PLCXD2: variants seen among roughly 807,000 people sequenced by gnomAD.
PLCXD2 encodes PI-PLC X domain-containing protein 2.
In PLCXD2, 21 loss-of-function variants were observed where a neutral mutation model predicts 28.6. The observed-to-expected ratio is 0.73, with a 90% CI of 0.52 to 1.06. The LOEUF (loss-of-function observed/expected upper bound fraction) is 1.06, where lower values mean the gene tolerates loss of function less well. Among genes scored for constraint, PLCXD2 ranks in the 50% least tolerant of loss-of-function variants. The pLI, the probability that PLCXD2 is intolerant of heterozygous loss-of-function variation, is 0.00. For missense variants in PLCXD2, 369 were observed against 376.7 expected (o/e 0.98, Z 0.17); for synonymous variants, 140 against 150.1 (o/e 0.93, Z 0.49).
chr3:111,683,626 G>A (rs192415978), intron 1 of PLCXD2, among the ~76,000 whole-genome samples: 4 of 152,292 alleles, frequency 2.6e-5, no homozygotes, highest in Admixed American at 2.6e-4. Flanking sequence ...CTAGGCACTG[G>A]TGATTCAGTG....
At chr3:111,719,596 G>A (rs12637233) in intron 3 of PLCXD2, among the ~76,000 whole-genome samples, 15,378 of 152,232 alleles carry the variant, frequency 0.1, 1,120 homozygotes, top group East Asian at 0.32. Flanking sequence ...ATGCAGCAAC[G>A]TGGATGAATT....
chr3:111,716,578 A>C (rs1302528744), intron 3 of PLCXD2, among the ~76,000 whole-genome samples: 1 of 152,190 alleles, frequency 6.6e-6, no homozygotes, highest in East Asian at 1.9e-4. Context: ...CTCTCACTGA[A>C]ATCATATGAA....
In PLCXD2 at chr3:111,676,071, T is replaced by G. The variant is rs536538817; in HGVS notation, c.163+663T>G. On this transcript the variant is annotated intron_variant, in intron 1 of 4. Coordinates refer to ENST00000477665, the MANE Select transcript of PLCXD2 (RefSeq NM_001185106.1). ...TAGAACTGCAGCCTTGAAAAGCACT[T>G]CTGCTCCAGCCACTGTCTCTCTGCC... is the stretch of plus-strand genomic sequence containing the variant. 4.6e-5 allele frequency among the ~76,000 whole-genome samples: 7 copies of G among 152,350 alleles called. No homozygotes were observed. The South Asian group carries it at 1.5e-3, about 32-fold the overall frequency.
intron 1 of PLCXD2, among the ~76,000 whole-genome samples, chr3:111,684,262 A>G (rs939262375): frequency 2.0e-5 from 3 of 150,470 alleles, no homozygotes; most frequent in African/African-American, 7.3e-5. Context: ...CCCGGGAGGC[A>G]GAGGTTGCGA....
Position 111,675,320 on chromosome 3 carries a change from G to T in PLCXD2, c.75G>T (p.Lys25Asn). 1.2e-6 allele frequency: 2 copies of T among 1,614,174 alleles called. No individual in the cohort carries two copies. The highest frequency in any genetic ancestry group is 1.7e-6 in the Non-Finnish European group (2 of 1,180,034). Residue 25 changes from lysine (K) to asparagine (N), a missense_variant, in exon 1 of 5, where the codon AAG becomes AAT. Transcript: ENST00000477665. ...GCTCCCCCAACCCCAGCGGGACAAA[G>T]ACATCATCGGAGGTCTGCAATGCCG...
intron 1 of PLCXD2, among the ~76,000 whole-genome samples, chr3:111,703,078 C>G (rs1469016228): frequency 6.6e-6 from 1 of 152,186 alleles, no homozygotes; most frequent in Non-Finnish European, 1.5e-5. Flanking sequence ...ATAAGTAGGA[C>G]AGGAAAAATA....
intron 1 of PLCXD2, among the ~76,000 whole-genome samples, chr3:111,691,648 A>G (rs529207555): frequency 6.6e-6 from 1 of 152,360 alleles, no homozygotes; most frequent in South Asian, 2.1e-4. Context: ...GTAAATGAAC[A>G]ATGCACTTGA....
intron 1 of PLCXD2, among the ~76,000 whole-genome samples, chr3:111,707,409 A>C (rs923368886): frequency 6.6e-6 from 1 of 152,198 alleles, no homozygotes. Context: ...AGATAGACAC[A>C]GTGTTTTCAT....
chr3:111,726,252 A>G (rs1035790825), intron 3 of PLCXD2: 6 of 168,468 alleles, frequency 3.6e-5, no homozygotes, highest in African/African-American at 1.4e-4. Flanking sequence ...CAGTCTCAAT[A>G]TGATAAGTCT....
Position 111,712,399 on chromosome 3 carries a change from C to A in PLCXD2, c.625-1488C>A, listed in dbSNP as rs143855932. ...CCACTGCACAGGACGGCTTTCCTCA[C>A]AGCCCCCAGGCTTACCACCTGGCCA... On this transcript the variant is annotated intron_variant, in intron 2 of 4. Transcript: ENST00000477665. 6.4e-3 allele frequency among the ~76,000 whole-genome samples: 971 copies of A among 152,308 alleles called. 4 individuals carry two copies. Among genetic ancestry groups the A allele is most frequent in the Non-Finnish European group, 8.6e-3 (583 of 68,020 alleles).
intron 3 of PLCXD2, among the ~76,000 whole-genome samples, chr3:111,717,618 C>T (rs1489271275): frequency 6.6e-6 from 1 of 152,228 alleles, no homozygotes; most frequent in Non-Finnish European, 1.5e-5. Flanking sequence ...CCTTTCACTG[C>T]ATTTCTCTGC....
chr3:111,692,104 C>G (rs113326093), intron 1 of PLCXD2, among the ~76,000 whole-genome samples: 1 of 152,164 alleles, frequency 6.6e-6, no homozygotes. Context: ...TGCAGTGGCG[C>G]GATCTCGGCT....
At chr3:111,694,084 T>A (rs1940926754) in intron 1 of PLCXD2, among the ~76,000 whole-genome samples, 2 of 152,264 alleles carry the variant, frequency 1.3e-5, no homozygotes, top group African/African-American at 2.4e-5. Context: ...GAAAATTTTC[T>A]ATTAGGTTTG....
rs1394381686 is a variant in PLCXD2, at chr3:111,714,036, C to T, written c.774C>T (p.Gly258=). ...CTCTGAGTGAGCGGGCCTCACGGGG[C>T]TCCTTCCATGTCTCCCAAGCGATCC... is the stretch of plus-strand genomic sequence containing the variant. Residue 258 remains glycine (G), a synonymous_variant, in exon 3 of 5, where the codon GGC becomes GGT. Coordinates refer to ENST00000477665, the MANE Select transcript of PLCXD2 (RefSeq NM_001185106.1). The T allele has an allele frequency of 6.2e-7, 1 of 1,614,178 alleles. No individual in the cohort carries two copies. Among genetic ancestry groups the T allele is most frequent in the Middle Eastern group, 1.6e-4 (1 of 6,062 alleles).
chr3:111,708,735 A>G (rs917629033), intron 2 of PLCXD2, among the ~76,000 whole-genome samples: 1 of 152,184 alleles, frequency 6.6e-6, no homozygotes, highest in East Asian at 1.9e-4. Context: ...CCCCTCAGGG[A>G]TAGTCTGTTC....
At chr3:111,710,003 A>G (rs1941178079) in intron 2 of PLCXD2, among the ~76,000 whole-genome samples, 1 of 152,210 alleles carries the variant, frequency 6.6e-6, no homozygotes, top group Non-Finnish European at 1.5e-5. Context: ...CAGATTTTGC[A>G]TCTGTCAGAA....
At chr3:111,681,020 G>A (rs943104539) in intron 1 of PLCXD2, among the ~76,000 whole-genome samples, 1 of 152,118 alleles carries the variant, frequency 6.6e-6, no homozygotes, top group African/African-American at 2.4e-5. Context: ...CAAAAAAGAG[G>A]TGTAAAATGC....
intron 2 of PLCXD2, among the ~76,000 whole-genome samples, chr3:111,713,341 G>C (rs73852873): frequency 6.6e-6 from 1 of 152,114 alleles, no homozygotes. Context: ...GAGGGCAGGC[G>C]GTGACCCACA....
chr3:111,724,559 T>C (rs1166030059), intron 3 of PLCXD2: 5 of 152,186 alleles, frequency 3.3e-5, no homozygotes, highest in Non-Finnish European at 7.3e-5. Context: ...CATGAGAAAG[T>C]GCTTCCCAAT....
Sources: allele counts gnomAD v4.1 joint callset (sites outside exome capture counted in the v4.1 genomes callset), GRCh38; gene constraint gnomAD v4.1.1; transcripts MANE v1.5; gene names NCBI Gene and HGNC (gene_info 2026-07-23, HGNC 2026-07-21).